The following MYH14 variants were observed in gnomAD, a reference collection of about 807,000 sequenced individuals.
MYH14 encodes the protein myosin heavy chain 14.
A neutral mutation model predicts 255.5 loss-of-function variants in MYH14; 123 were observed. That is an observed-to-expected ratio of 0.48 (90% CI 0.42 to 0.56). The LOEUF is 0.56. Ranked by LOEUF, MYH14 falls within the 20% of genes least tolerant of loss-of-function variation. The pLI is 0.00. For synonymous variants in MYH14, 1,095 were observed against 1,161.2 expected (o/e 0.94, Z 1.16); for missense variants, 2,423 against 2,802.3 (o/e 0.86, Z 3.06).
chr19:50,287,835 C>G (rs766578012), intron 34 of MYH14, among the ~76,000 whole-genome samples: 34 of 152,182 alleles, frequency 2.2e-4, no homozygotes, highest in Non-Finnish European at 3.8e-4. Context: ...TACTACAACA[C>G]ACAGCCTGAG....
intron 16 of MYH14, among the ~76,000 whole-genome samples, chr19:50,253,086 T>C (rs2034462529): frequency 6.6e-6 from 1 of 152,160 alleles, no homozygotes; most frequent in Admixed American, 6.5e-5. Flanking sequence ...CCAGAAAAAG[T>C]ATGAATATCG....
intron 15 of MYH14, among the ~76,000 whole-genome samples, chr19:50,251,716 T>C (rs555167472): frequency 6.6e-6 from 1 of 152,208 alleles, no homozygotes; most frequent in South Asian, 2.1e-4. Context: ...TAGCTGGGAT[T>C]ACAGGCACCT....
At chr19:50,282,673 G>A (rs1043324842) in intron 33 of MYH14, among the ~76,000 whole-genome samples, 8 of 151,944 alleles carry the variant, frequency 5.3e-5, no homozygotes, top group Non-Finnish European at 1.0e-4. Context: ...ACTGCACTCC[G>A]GCCTGGGTGA....
chr19:50,249,868 G>A (rs780335694), intron 14 of MYH14, 45 bp downstream of exon 14: 28 of 1,607,212 alleles, frequency 1.7e-5, no homozygotes, highest in Admixed American at 8.4e-5. Context: ...GTTCAGATCC[G>A]TCTCTCCCAG....
At chr19:50,211,851 G>A (rs762126687) in intron 2 of MYH14, among the ~76,000 whole-genome samples, 1 of 152,028 alleles carries the variant, frequency 6.6e-6, no homozygotes, top group African/African-American at 2.4e-5. Context: ...AGCTGGGCAT[G>A]GTGGCACACT....
chr19:50,297,295 C>A (rs1325172940), intron 39 of MYH14, among the ~76,000 whole-genome samples: 7 of 151,900 alleles, frequency 4.6e-5, no homozygotes, highest in South Asian at 4.2e-4. Flanking sequence ...GGAATGTATT[C>A]TCTCGTGGTC....
At chr19:50,300,884 GCTGGGCAACGGCTGTGCTCCAGC>G (rs1326368772) in intron 39 of MYH14, among the ~76,000 whole-genome samples, 1 of 152,074 alleles carries the variant, frequency 6.6e-6, no homozygotes, top group Non-Finnish European at 1.5e-5. Flanking sequence ...GATTTCACCA[GCTGGGCAACGGCTGTGCTCCAGC>G]CTGGGCAACA....
intron 11 of MYH14, among the ~76,000 whole-genome samples, chr19:50,246,797 C>T (rs560546221): frequency 5.1e-4 from 78 of 152,176 alleles, no homozygotes; most frequent in Non-Finnish European, 9.1e-4. Flanking sequence ...TGCTCACATG[C>T]AGGGTTATTT....
intron 27 of MYH14, among the ~76,000 whole-genome samples, chr19:50,273,164 G>A (rs2035373824): frequency 1.3e-5 from 2 of 151,646 alleles, no homozygotes; most frequent in African/African-American, 2.4e-5. Context: ...GGTGGCGGGC[G>A]CCTGTAATCC....
intron 2 of MYH14, among the ~76,000 whole-genome samples, chr19:50,212,988 T>C (rs1268176204): frequency 6.6e-6 from 1 of 152,214 alleles, no homozygotes; most frequent in Non-Finnish European, 1.5e-5. Flanking sequence ...GGTCTCACTC[T>C]GTTGCCCAGG....
intron 6 of MYH14, chr19:50,224,699 T>C: frequency 2.3e-6 from 1 of 426,128 alleles, no homozygotes. Context: ...TGGAGTAGAG[T>C]TCCTGCCAAG....
intron 2 of MYH14, among the ~76,000 whole-genome samples, chr19:50,212,780 C>T (rs1600859485): frequency 6.6e-6 from 1 of 152,116 alleles, no homozygotes; most frequent in Admixed American, 6.6e-5. Context: ...GGCTGTCGGA[C>T]CCTGCATGGG....
intron 30 of MYH14, among the ~76,000 whole-genome samples, chr19:50,279,502 G>A (rs558494519): frequency 3.6e-4 from 55 of 151,980 alleles, no homozygotes; most frequent in South Asian, 4.2e-4. Flanking sequence ...GTGTGGTGGC[G>A]CATGCCTGTA....
rs191027641 is a variant in MYH14 at position 50,280,491 on chromosome 19, A to G, written c.4290+108A>G. On this transcript the variant is annotated intron_variant, in intron 32 of 42. Coordinates refer to ENST00000642316, the MANE Select transcript of MYH14 (RefSeq NM_001145809.2). This position sits in a 1 kb window ranked among gnomAD's most constrained non-coding sequence, Gnocchi z 4.8. ...TGCTGCCCACCTTCTCATAGGCCAGACCCATGGGTGCCTTTCTCATCTCTG... is the reference window on the plus strand; with the variant it reads ...TGCTGCCCACCTTCTCATAGGCCAGGCCCATGGGTGCCTTTCTCATCTCTG... The G allele has an allele frequency of 1.0e-3, 1,207 of 1,205,416 alleles. 13 individuals carry two copies. In the African/African-American group the frequency reaches 0.016, roughly 16 times the overall value. The allele number at this position is 1,205,416 out of a possible 1,614,324, so 74.7% of individuals were successfully genotyped here. A position where few individuals can be genotyped will look rare whatever the true frequency, so the allele number is the denominator to read the frequency against.
intron 1 of MYH14, among the ~76,000 whole-genome samples, chr19:50,209,555 C>A (rs541101168): frequency 6.6e-6 from 1 of 152,054 alleles, no homozygotes; most frequent in African/African-American, 2.4e-5. Flanking sequence ...GAGGCCGAGG[C>A]GGGCAGATCA....
At chr19:50,217,587 A>C (rs763934152) in intron 2 of MYH14, 28 bp from the exon 3 acceptor site, 131 of 1,613,842 alleles carry the variant, frequency 8.1e-5, no homozygotes, top group Non-Finnish European at 5.1e-6. Context: ...CAGCCATCTG[A>C]GACCCTCTCC....
chr19:50,252,678 G>C lies in MYH14; in HGVS notation c.1870G>C (p.Asp624His). 6 of 1,601,586 alleles carry C rather than the reference G, an allele frequency of 3.7e-6. No individual in the cohort carries two copies. The highest frequency in any genetic ancestry group is 5.1e-6 in the Non-Finnish European group (6 of 1,174,430). Reference protein sequence around the residue: ...KANEWLMKNMDPLNDNVAALL... With the variant: ...KANEWLMKNMHPLNDNVAALL... ...CAACGAGTGGCTGATGAAAAACATGGACCCTCTGAATGACAACGTCGCAGC... is the reference window on the plus strand; with the variant it reads ...CAACGAGTGGCTGATGAAAAACATGCACCCTCTGAATGACAACGTCGCAGC... The change falls in exon 16 of 43, where the codon GAC becomes CAC. Residue 624 changes from aspartate to histidine, a missense_variant. Physicochemically the swap from Asp to His is moderately conservative, Grantham distance 81 (BLOSUM62 -1). This residue lies in a region of MYH14 where 672 missense variants were observed against 881.8 expected (regional missense o/e 0.76). Coordinates refer to ENST00000642316, the MANE Select transcript of MYH14 (RefSeq NM_001145809.2). This position sits in a 1 kb window ranked among gnomAD's most constrained non-coding sequence, Gnocchi z 4.2.
At chr19:50,223,373 C>A in intron 5 of MYH14, 24 bp downstream of exon 5, 2 of 1,476,216 alleles carry the variant, frequency 1.4e-6, no homozygotes, top group Non-Finnish European at 1.9e-6. Context: ...CCTTGGGTCA[C>A]CCCCGGGCCC....
Position 50,252,748 on chromosome 19 carries a change from A to G in MYH14, c.1940A>G (p.Lys647Arg). The change falls in exon 16 of 43, where the codon AAA (lysine) becomes AGA (arginine). Residue 647 changes from lysine to arginine, a missense_variant. Lys to Arg is a conservative substitution (Grantham distance 26). This residue lies in a region of MYH14 where 672 missense variants were observed against 881.8 expected (regional missense o/e 0.76). Coordinates refer to ENST00000642316, the MANE Select transcript of MYH14 (RefSeq NM_001145809.2). This position sits in a 1 kb window ranked among gnomAD's most constrained non-coding sequence, Gnocchi z 4.2. ...GACCGGCTGACGGCAGAGATCTGGA[A>G]AGACGGTGAGGACCCACTTCCCCCA... The part of the protein sequence containing the change: ...STDRLTAEIW[K>R]DEHGGFQQFS... 6.3e-7 allele frequency: 1 copy of G among 1,582,722 alleles called. No individual in the cohort carries two copies. The highest frequency in any genetic ancestry group is 2.3e-5 in the East Asian group (1 of 43,038).
Sources: gnomAD v4.1 joint callset for allele counts (sites outside exome capture counted in the v4.1 genomes callset) on GRCh38, gnomAD v4.1.1 for gene constraint, gnomAD v4.1.1 regional missense constraint, Gnocchi (gnomAD v3.1) non-coding constraint, MANE v1.5 for transcripts, NCBI Gene and HGNC (gene_info 2026-07-23, HGNC 2026-07-21) for gene names.